NOP53: variants seen among roughly 807,000 people sequenced by gnomAD.
NOP53 encodes the protein NOP53 ribosome biogenesis factor.
A neutral mutation model predicts 61.0 loss-of-function variants in NOP53; 40 were observed. The observed-to-expected ratio is 0.66, with a 90% confidence interval of 0.51 to 0.85. The LOEUF (loss-of-function observed/expected upper bound fraction) is 0.85, where lower values mean the gene tolerates loss of function less well. Among genes scored for constraint, NOP53 ranks in the 40% least tolerant of loss-of-function variants. The probability of loss-of-function intolerance (pLI) is 0.00; values close to 1 mark genes in which losing one functional copy is unlikely to be tolerated. For missense variants in NOP53, 689 were observed against 652.9 expected (o/e 1.06, Z -0.60); for synonymous variants, 308 against 289.5 (o/e 1.06, Z -0.65).
chr19:47,754,646 T>G lies in NOP53; in HGVS notation c.870+15T>G. ...CCGCCACCCAGGTGAGCCCCGCACC[T>G]GCCCACTCCCTCCCCTCCCCGGGCC... On this transcript the variant is annotated intron_variant, in intron 7 of 12. Transcript: ENST00000246802. This position sits in a 1 kb window ranked among gnomAD's most constrained non-coding sequence, Gnocchi z 4.2. 2 of 1,545,894 alleles carry G rather than the reference T, an allele frequency of 1.3e-6. No individual in the cohort carries two copies. Among genetic ancestry groups the G allele is most frequent in the Non-Finnish European group, 1.7e-6 (2 of 1,144,374 alleles).
chr19:47,755,853 T>A, intron 10 of NOP53, 31 bp downstream of exon 10: 1 of 1,556,808 alleles, frequency 6.4e-7, no homozygotes, highest in Non-Finnish European at 8.8e-7. Context: ...TGGAGCCCCG[T>A]GCCCAGTGAT....
rs1967202175 is a variant in NOP53 at position 47,756,539 on chromosome 19, C to T, written c.1308C>T (p.Asn436=). 6.2e-7 allele frequency: 1 copy of T among 1,613,788 alleles called. No individual in the cohort carries two copies. The highest frequency in any genetic ancestry group is 8.5e-7 in the Non-Finnish European group (1 of 1,179,876). ...TCTCTGTCCTGTAGCCCGAGGGCAACATCCTTCGAGACCGGTTCAAGAGCT... is the reference window on the plus strand; with the variant it reads ...TCTCTGTCCTGTAGCCCGAGGGCAATATCCTTCGAGACCGGTTCAAGAGCT... The part of the protein sequence containing the change: ...DSLRTLKPEG[N]ILRDRFKSFQ... Residue 436 remains asparagine (N), a synonymous_variant, in exon 11 of 13, where the codon AAC becomes AAT. Transcript: ENST00000246802.
At chr19:47,751,442 TGGAG>T in intron 4 of NOP53, 74 bp from the exon 5 acceptor site, 1 of 1,106,852 alleles carries the variant, frequency 9.0e-7, no homozygotes. Flanking sequence ...TTTTGAAATG[TGGAG>T]GGATTGGGGG....
chr19:47,747,645 G>T (rs1256013170), intron 2 of NOP53, among the ~76,000 whole-genome samples: 1 of 151,572 alleles, frequency 6.6e-6, no homozygotes, highest in Admixed American at 6.6e-5. Context: ...TTGAGACAGT[G>T]TTGCGCTGTC....
intron 2 of NOP53, among the ~76,000 whole-genome samples, chr19:47,748,646 C>A (rs1374932654): frequency 6.6e-6 from 1 of 152,108 alleles, no homozygotes; most frequent in Non-Finnish European, 1.5e-5. Context: ...GTAAGCCCAG[C>A]GCTTTGGGAG....
At chr19:47,755,256 AG>A (rs1328709540) in intron 8 of NOP53, 91 bp from the exon 9 acceptor site, 6 of 813,756 alleles carry the variant, frequency 7.4e-6, no homozygotes, top group Non-Finnish European at 1.1e-5. Flanking sequence ...GGGGACAGGC[AG>A]GTTTGTGCAG....
chr19:47,754,571 G>A lies in NOP53; in HGVS notation c.810G>A (p.Lys270=). Residue 270 remains lysine, a synonymous_variant, in exon 7 of 13, where the codon AAG becomes AAA. Coordinates refer to ENST00000246802, the MANE Select transcript of NOP53 (RefSeq NM_015710.5). The surrounding 1 kb of genome is among the most constrained non-coding windows in gnomAD (Gnocchi z 4.2). ...ACGAGGTGGAGTTGCAGCGGCAGAA[G>A]GAGGCGGAGAAGCTGGAGCGGCAGC... ...AAHEVELQRQ[K]EAEKLERQLA... is the part of the protein sequence containing the mutation. 1 of 1,553,218 alleles carries A rather than the reference G, an allele frequency of 6.4e-7. No individual in the cohort carries two copies. Among genetic ancestry groups the A allele is most frequent in the Non-Finnish European group, 8.7e-7 (1 of 1,149,332 alleles).
chr19:47,756,792 C>A lies in NOP53; in HGVS notation c.1430+48C>A, dbSNP rs1161690196. On this transcript the variant is annotated intron_variant, in intron 12 of 12. Coordinates refer to ENST00000246802, the MANE Select transcript of NOP53 (RefSeq NM_015710.5). The stretch of plus-strand genomic sequence containing the variant: ...CAAGGAAGGGAGCCCTTCTCCCACC[C>A]CGTGGTGCCCACCGAGTCCCAGGGC... The A allele has an allele frequency of 2.5e-6, 4 of 1,591,130 alleles. No homozygotes were observed. The African/African-American group carries it at 5.4e-5, about 21-fold the overall frequency.
intron 4 of NOP53, 75 bp from the exon 5 acceptor site, chr19:47,751,445 A>T (rs897962683): frequency 8.8e-7 from 1 of 1,130,856 alleles, no homozygotes; most frequent in Non-Finnish European, 1.3e-6. Flanking sequence ...TGAAATGTGG[A>T]GGGATTGGGG....
intron 10 of NOP53, chr19:47,756,216 G>A: frequency 1.9e-6 from 1 of 532,110 alleles, no homozygotes; most frequent in South Asian, 2.4e-5. Context: ...TGGGGCTCCA[G>A]CCAGTTGTGC....
rs1246488279 is a variant in NOP53 at position 47,756,732 on chromosome 19, T to TC, written c.1420dup (p.Arg474ProfsTer2). 1 of 1,613,368 alleles carries TC rather than the reference T, an allele frequency of 6.2e-7. No homozygotes were observed. Among genetic ancestry groups the TC allele is most frequent in the Non-Finnish European group, 8.5e-7 (1 of 1,179,986 alleles). On this transcript the variant is annotated frameshift_variant, in exon 12 of 13. Coordinates refer to ENST00000246802, the MANE Select transcript of NOP53 (RefSeq NM_015710.5). LOFTEE classifies it high-confidence loss of function. ...GTGAAGCTGGTGGAGAAGCGGGCGT[T>TC]CCGTGAGATCCAGTGAGTCCACCCG...
rs1017529270 is a variant in NOP53, at chr19:47,752,685, C to T, written c.765+78C>T. The stretch of plus-strand genomic sequence containing the variant: ...GGCCTTCACTAGCTTCCTCCCTGTG[C>T]TGGGAACTCCAATGACCCAGACAGC... On this transcript the variant is annotated intron_variant, in intron 6 of 12. Coordinates refer to ENST00000246802, the MANE Select transcript of NOP53 (RefSeq NM_015710.5). 4.6e-5 allele frequency: 42 copies of T among 908,810 alleles called. No individual in the cohort carries two copies. In the Admixed American group the frequency reaches 7.0e-4, roughly 15 times the overall value. 56.3% of individuals were successfully genotyped at this position (908,810 alleles called of 1,614,324 possible). A position where few individuals can be genotyped will look rare whatever the true frequency, so the allele number is the denominator to read the frequency against.
intron 2 of NOP53, 86 bp from the exon 3 acceptor site, chr19:47,750,092 A>T (rs1015826502): frequency 4.9e-6 from 4 of 814,186 alleles, no homozygotes; most frequent in Non-Finnish European, 8.4e-6. Flanking sequence ...TTCAGGTCTG[A>T]TGGCTCCCAT....
In NOP53 at chr19:47,747,006, C is replaced by T. The variant is rs372596998; in HGVS notation, c.264C>T (p.Phe88=). ...LSEAPNEKLF[F]VDTGSKEKGL... is the part of the protein sequence containing the mutation. ...AGGCCCCAAATGAAAAACTCTTCTT[C>T]GTGGACACTGGCTCCAAGGAAAAAG... Residue 88 remains phenylalanine (F), a synonymous_variant, in exon 2 of 13, where the codon TTC becomes TTT. Transcript: ENST00000246802. 46 of 1,613,650 alleles carry T rather than the reference C, an allele frequency of 2.9e-5. No homozygotes were observed. The East Asian group carries it at 4.5e-4, about 16-fold the overall frequency.
intron 2 of NOP53, among the ~76,000 whole-genome samples, chr19:47,748,703 T>C (rs898915095): frequency 1.4e-4 from 21 of 152,066 alleles, no homozygotes; most frequent in Admixed American, 1.4e-3. Context: ...GAGACCAGCC[T>C]GGGCAGCATG....
intron 10 of NOP53, 180 bp from the exon 11 acceptor site, chr19:47,756,348 T>G: frequency 1.7e-6 from 1 of 600,432 alleles, no homozygotes; most frequent in South Asian, 2.0e-5. Context: ...TGGCCATAGG[T>G]TGGTGGCTGT....
At chr19:47,748,034 C>A (rs1057409209) in intron 2 of NOP53, among the ~76,000 whole-genome samples, 1 of 151,962 alleles carries the variant, frequency 6.6e-6, no homozygotes, top group Non-Finnish European at 1.5e-5. Flanking sequence ...CCCGCCTCGG[C>A]CTCCCAAAGT....
rs115908259 is a variant in NOP53 at position 47,755,806 on chromosome 19, C to T, written c.1280C>T (p.Ser427Leu). ...CAGCTGAGCTCGGAGCTGACAGACTCGCTCAGGACCCTGAAGGTGCTCACT... is the reference window on the plus strand; with the variant it reads ...CAGCTGAGCTCGGAGCTGACAGACTTGCTCAGGACCCTGAAGGTGCTCACT... ...DVQLSSELTD[S>L]LRTLKPEGNI... Residue 427 changes from serine to leucine, a missense_variant, in exon 10 of 13, where the codon TCG becomes TTG. Ser to Leu is a moderately radical substitution (Grantham distance 145, BLOSUM62 -2). Transcript: ENST00000246802. 1,474 of 1,609,268 alleles carry T rather than the reference C, an allele frequency of 9.2e-4. 16 individuals are homozygous for T. In the African/African-American group the frequency reaches 0.017, roughly 18 times the overall value.
intron 5 of NOP53, 132 bp downstream of exon 5, chr19:47,751,722 G>A: frequency 1.4e-6 from 1 of 733,216 alleles, no homozygotes; most frequent in Non-Finnish European, 2.4e-6. Context: ...GCTGGAGCCA[G>A]GTGGCTGGGA....
Sources: gnomAD v4.1 joint callset for allele counts (sites outside exome capture counted in the v4.1 genomes callset) on GRCh38, gnomAD v4.1.1 for gene constraint, Gnocchi (gnomAD v3.1) non-coding constraint, MANE v1.5 for transcripts, NCBI Gene and HGNC (gene_info 2026-07-23, HGNC 2026-07-21) for gene names.